The following DNM3 variants were observed in gnomAD, a reference collection of about 807,000 sequenced individuals.
DNM3 encodes dynamin 3.
In DNM3, 47 loss-of-function variants were observed where a neutral mutation model predicts 101.6. The observed-to-expected ratio is 0.46, with a 90% confidence interval of 0.37 to 0.59. The LOEUF is 0.59. DNM3 is among the 20% of genes least tolerant of loss of function. The pLI, the probability that DNM3 is intolerant of heterozygous loss-of-function variation, is 0.00. For synonymous variants in DNM3, 385 were observed against 387.9 expected (o/e 0.99, Z 0.09); for missense variants, 849 against 1,085.7 (o/e 0.78, Z 3.06).
chr1:172,391,532 G>A (rs1408935691), intron 20 of DNM3, among the ~76,000 whole-genome samples: 1 of 152,178 alleles, frequency 6.6e-6, no homozygotes, highest in African/African-American at 2.4e-5. Flanking sequence ...GAGAGAACGA[G>A]AGAAAGAAAG....
At chr1:172,320,248 G>C in intron 16 of DNM3, among the ~76,000 whole-genome samples, 1 of 149,974 alleles carries the variant, frequency 6.7e-6, no homozygotes, top group Non-Finnish European at 1.5e-5. Flanking sequence ...GGGGGGATGG[G>C]GGAGGGATAG....
chr1:172,178,837 C>A (rs931901507), intron 14 of DNM3, among the ~76,000 whole-genome samples: 5 of 151,860 alleles, frequency 3.3e-5, no homozygotes, highest in Admixed American at 6.6e-5. Flanking sequence ...AGCTAGATTG[C>A]AGGGGGTTAA....
At chr1:172,374,262 T>G (rs993409985) in intron 17 of DNM3, among the ~76,000 whole-genome samples, 2 of 151,998 alleles carry the variant, frequency 1.3e-5, no homozygotes, top group Admixed American at 1.3e-4. Context: ...CTACTAAGGC[T>G]CTTGGGCCCT....
At chr1:172,402,732 T>C (rs2070589869) in intron 20 of DNM3, among the ~76,000 whole-genome samples, 1 of 152,212 alleles carries the variant, frequency 6.6e-6, no homozygotes, top group Non-Finnish European at 1.5e-5. Context: ...ACAAACACTG[T>C]AGTCCAGTAT....
chr1:172,349,175 TA>T (rs2067087302), intron 17 of DNM3, among the ~76,000 whole-genome samples: 1 of 152,172 alleles, frequency 6.6e-6, no homozygotes, highest in South Asian at 2.1e-4. Context: ...CTCATCCATT[TA>T]AAGTGCTATA....
At chr1:171,913,829 C>T (rs1387759078) in intron 1 of DNM3, among the ~76,000 whole-genome samples, 2 of 152,076 alleles carry the variant, frequency 1.3e-5, no homozygotes, top group African/African-American at 2.4e-5. Flanking sequence ...CACTCTGTCA[C>T]CCAGGCTGAA....
downstream of DNM3, among the ~76,000 whole-genome samples, chr1:172,412,879 G>A (rs1573799974): frequency 6.6e-6 from 1 of 152,278 alleles, no homozygotes; most frequent in Non-Finnish European, 1.5e-5. Flanking sequence ...GGAGAAAGAT[G>A]GGATTTTTAA....
chr1:172,414,137 A>G (rs1290763956), downstream of DNM3, among the ~76,000 whole-genome samples: 2 of 152,186 alleles, frequency 1.3e-5, no homozygotes, highest in Non-Finnish European at 2.9e-5. Context: ...TTTAAATTTC[A>G]TATTGAGAAA....
chr1:172,183,502 T>C (rs966065571), intron 14 of DNM3, among the ~76,000 whole-genome samples: 1 of 151,940 alleles, frequency 6.6e-6, no homozygotes. Context: ...CATTGTGGAG[T>C]TTTTAAAGTA....
intron 14 of DNM3, among the ~76,000 whole-genome samples, chr1:172,203,588 T>C (rs901061236): frequency 2.6e-5 from 4 of 152,200 alleles, no homozygotes; most frequent in Non-Finnish European, 4.4e-5. Context: ...TAGACTCATG[T>C]TATTTCTCAG....
At chr1:172,233,964 C>G (rs1001913213) in intron 14 of DNM3, among the ~76,000 whole-genome samples, 1 of 152,154 alleles carries the variant, frequency 6.6e-6, no homozygotes, top group Non-Finnish European at 1.5e-5. Flanking sequence ...GGAAGCATTC[C>G]TTTTGAAAAC....
intron 14 of DNM3, among the ~76,000 whole-genome samples, chr1:172,227,304 A>ATATATATATG (rs1215756972): frequency 7.6e-5 from 10 of 131,534 alleles, no homozygotes; most frequent in African/African-American, 2.9e-4. Context: ...ATATATATAT[A>ATATATATATG]TCACATTTTC....
At chr1:172,156,719 T>C (rs2058353468) in intron 14 of DNM3, among the ~76,000 whole-genome samples, 1 of 152,102 alleles carries the variant, frequency 6.6e-6, no homozygotes, top group Non-Finnish European at 1.5e-5. Flanking sequence ...ATAAACTAAC[T>C]CTTTTCAGTA....
chr1:172,191,584 T>C (rs1361570873), intron 14 of DNM3, among the ~76,000 whole-genome samples: 1 of 152,204 alleles, frequency 6.6e-6, no homozygotes, highest in Non-Finnish European at 1.5e-5. Context: ...GGGATGGCAT[T>C]GAATCTATAA....
chr1:172,152,552 T>C (rs2058177656), intron 14 of DNM3, among the ~76,000 whole-genome samples: 1 of 152,162 alleles, frequency 6.6e-6, no homozygotes, highest in African/African-American at 2.4e-5. Flanking sequence ...ACTGTAACTA[T>C]TTTATTATTA....
At chr1:172,252,194 T>C (rs2062197758) in intron 14 of DNM3, among the ~76,000 whole-genome samples, 1 of 152,162 alleles carries the variant, frequency 6.6e-6, no homozygotes, top group South Asian at 2.1e-4. Flanking sequence ...TCTAAGCGAC[T>C]TCCTTCAATG....
intron 14 of DNM3, among the ~76,000 whole-genome samples, chr1:172,244,423 C>T (rs1166871808): frequency 6.6e-6 from 1 of 151,806 alleles, no homozygotes; most frequent in Non-Finnish European, 1.5e-5. Flanking sequence ...AGGCAACCTA[C>T]AAAATGGGAG....
At chr1:172,353,608 T>G (rs918493587) in intron 17 of DNM3, among the ~76,000 whole-genome samples, 3 of 152,180 alleles carry the variant, frequency 2.0e-5, no homozygotes, top group Non-Finnish European at 4.4e-5. Context: ...TTTTCCTGAT[T>G]GATTTGTGCT....
At position 172,379,067 on chromosome 1, in the gene DNM3, A is replaced by C; in HGVS notation, c.1943A>C (p.Gln648Pro). 6.2e-7 allele frequency: 1 copy of C among 1,612,426 alleles called. No homozygotes were observed. The highest frequency in any genetic ancestry group is 8.5e-7 in the Non-Finnish European group (1 of 1,178,982). The change falls in exon 18 of 21, where the codon CAA (glutamine) becomes CCA (proline). Residue 648 changes from glutamine to proline, a missense_variant. Around this residue, in one of 5 missense-constraint regions of DNM3, gnomAD observed 256 missense variants for 311.7 expected, o/e 0.82. Coordinates refer to ENST00000627582, the MANE Select transcript of DNM3 (RefSeq NM_015569.5). The stretch of plus-strand genomic sequence containing the variant: ...GCAGAAAACTTTTCCATGGACCCAC[A>C]ATTGGAGAGGCAAGTGGAGACCATT... ...GQAENFSMDP[Q>P]LERQVETIRN... is the part of the protein sequence containing the mutation.
Sources: allele counts gnomAD v4.1 joint callset (sites outside exome capture counted in the v4.1 genomes callset), GRCh38; gene constraint gnomAD v4.1.1; regional missense constraint gnomAD v4.1.1; transcripts MANE v1.5; gene names NCBI Gene and HGNC (gene_info 2026-07-23, HGNC 2026-07-21).